The following FHIT variants were observed in gnomAD, a reference collection of about 807,000 sequenced individuals.
The protein encoded by FHIT is fragile histidine triad diadenosine triphosphatase, also known as bis(5'-adenosyl)-triphosphatase.
FHIT carries 19 observed loss-of-function variants against 17.9 expected under a neutral mutation model. That is an observed-to-expected ratio of 1.06 (90% CI 0.74 to 1.56). The LOEUF is 1.56. FHIT is among the 40% of genes most tolerant of loss of function. FHIT has a pLI of 0.00. For synonymous variants in FHIT, 81 were observed against 69.7 expected, an observed-to-expected ratio of 1.16 and a Z score of -0.81; for missense variants, 248 against 189.2, an observed-to-expected ratio of 1.31 and a Z score of -1.82.
At chr3:61,031,859 G>C (rs2033024515) in intron 3 of FHIT, among the ~76,000 whole-genome samples, 1 of 152,188 alleles carries the variant, frequency 6.6e-6, no homozygotes. Context: ...CACCAACTGT[G>C]ATCCAGCCAG....
chr3:60,950,126 G>A (rs565758931), intron 3 of FHIT, among the ~76,000 whole-genome samples: 1 of 152,162 alleles, frequency 6.6e-6, no homozygotes, highest in Non-Finnish European at 1.5e-5. Flanking sequence ...TTGTGTTACA[G>A]TTGCCTATAG....
chr3:60,236,095 AT>A (rs1704770386), intron 5 of FHIT, among the ~76,000 whole-genome samples: 1 of 151,964 alleles, frequency 6.6e-6, no homozygotes, highest in African/African-American at 2.4e-5. Context: ...CATCTTCTCT[AT>A]CTTTCAACAT....
chr3:60,569,755 ATTTTT>A (rs1553654909), intron 4 of FHIT, among the ~76,000 whole-genome samples: 6 of 77,344 alleles, frequency 7.8e-5, no homozygotes, highest in African/African-American at 1.9e-4. Flanking sequence ...ATATATATAT[ATTTTT>A]TTTTTTTTTA....
intron 8 of FHIT, among the ~76,000 whole-genome samples, chr3:59,875,319 T>A (rs140233029): frequency 2.0e-5 from 3 of 152,320 alleles, no homozygotes; most frequent in African/African-American, 7.2e-5. Context: ...AAACTACTAC[T>A]CACTGTTGAA....
At chr3:59,788,029 A>T (rs1699387560) in intron 8 of FHIT, among the ~76,000 whole-genome samples, 2 of 152,226 alleles carry the variant, frequency 1.3e-5, no homozygotes, top group Admixed American at 1.3e-4. Flanking sequence ...CTGGTTTCTC[A>T]CTGCCAATCA....
At position 61,013,068 on chromosome 3, in the gene FHIT, A is replaced by G. The variant is rs149734500; in HGVS notation, c.-111+28979T>C. On this transcript the variant is annotated intron_variant, in intron 3 of 9. Transcript: ENST00000492590. ...AATATTTAACAATTTTTAAATGTCA[A>G]TAATAAGCCAGAAATTATATTCTTT... Among the ~76,000 whole-genome samples, 982 of 152,308 alleles carry G rather than the reference A, an allele frequency of 6.4e-3. 13 individuals are homozygous for G. Among genetic ancestry groups the G allele is most frequent in the Middle Eastern group, 0.037 (11 of 294 alleles).
intron 5 of FHIT, among the ~76,000 whole-genome samples, chr3:60,181,202 G>A (rs1229745975): frequency 6.9e-6 from 1 of 144,028 alleles, no homozygotes; most frequent in African/African-American, 2.6e-5. Flanking sequence ...CTGGAGTGCA[G>A]TGGTACAATC....
intron 5 of FHIT, among the ~76,000 whole-genome samples, chr3:60,158,493 G>A (rs1399894234): frequency 1.3e-5 from 2 of 152,052 alleles, no homozygotes; most frequent in Admixed American, 6.6e-5. Context: ...TGTATTTTTA[G>A]TAGAGATGGG....
intron 4 of FHIT, among the ~76,000 whole-genome samples, chr3:60,573,610 G>A (rs972977897): frequency 1.3e-5 from 2 of 152,066 alleles, no homozygotes; most frequent in Admixed American, 6.6e-5. Flanking sequence ...AGAAGCAGGA[G>A]AAGACAAAAA....
intron 5 of FHIT, among the ~76,000 whole-genome samples, chr3:60,119,343 G>T (rs1275415167): frequency 3.3e-5 from 5 of 152,002 alleles, no homozygotes; most frequent in African/African-American, 2.4e-5. Flanking sequence ...AAAGTGCTGG[G>T]ATTACAGGCA....
intron 5 of FHIT, among the ~76,000 whole-genome samples, chr3:60,225,049 G>C (rs998794135): frequency 2.0e-5 from 3 of 151,994 alleles, no homozygotes; most frequent in Non-Finnish European, 4.4e-5. Context: ...ATCAGTACTG[G>C]AGTAATGCTT....
rs56056396 is a variant in FHIT, at chr3:59,892,804, C to T, written c.348+29542G>A. On this transcript the variant is annotated intron_variant, in intron 8 of 9. Transcript: ENST00000492590. ...AAGTGAAGACTTGGTTCAAAATGAACCACCCACCCATCAATTATAAAAATA... is the reference window on the plus strand; with the variant it reads ...AAGTGAAGACTTGGTTCAAAATGAATCACCCACCCATCAATTATAAAAATA... Among the ~76,000 whole-genome samples, 1,157 of 152,206 alleles carry T rather than the reference C, an allele frequency of 7.6e-3. 17 individuals carry two copies. Among genetic ancestry groups the T allele is most frequent in the African/African-American group, 0.027 (1,111 of 41,514 alleles).
intron 4 of FHIT, among the ~76,000 whole-genome samples, chr3:60,819,797 T>A (rs147616456): frequency 6.6e-6 from 1 of 152,166 alleles, no homozygotes; most frequent in Non-Finnish European, 1.5e-5. Flanking sequence ...AGTAGAACTC[T>A]GAGTCAGTCT....
chr3:60,803,558 C>A (rs1215295887), intron 4 of FHIT, among the ~76,000 whole-genome samples: 1 of 151,990 alleles, frequency 6.6e-6, no homozygotes. Flanking sequence ...GATGAGAAAG[C>A]CTTTTATGTG....
At chr3:59,842,423 G>A (rs9865813) in intron 8 of FHIT, among the ~76,000 whole-genome samples, 11,107 of 152,166 alleles carry the variant, frequency 0.073, 1,306 homozygotes, top group African/African-American at 0.25. Flanking sequence ...ATTATTTCAG[G>A]TGTATGCCCA....
intron 4 of FHIT, among the ~76,000 whole-genome samples, chr3:60,789,743 A>G (rs1416450094): frequency 1.3e-5 from 2 of 152,242 alleles, no homozygotes; most frequent in African/African-American, 2.4e-5. Context: ...GTTGAGGATG[A>G]AAATAGAAAG....
At chr3:60,364,677 G>A (rs1284620415) in intron 5 of FHIT, among the ~76,000 whole-genome samples, 21 of 152,184 alleles carry the variant, frequency 1.4e-4, no homozygotes, top group Admixed American at 1.4e-3. Flanking sequence ...CCAGATAACT[G>A]ATAAACATTA....
At chr3:60,641,474 T>C (rs2039723277) in intron 4 of FHIT, among the ~76,000 whole-genome samples, 1 of 152,108 alleles carries the variant, frequency 6.6e-6, no homozygotes, top group Non-Finnish European at 1.5e-5. Context: ...AATGTCTTGC[T>C]TCAGAATTTG....
Position 60,409,938 on chromosome 3 carries a change from T to C in FHIT, c.103+126922A>G, listed in dbSNP as rs183994469. Among the ~76,000 whole-genome samples, 108 of 152,294 alleles carry C rather than the reference T, an allele frequency of 7.1e-4. No individual in the cohort carries two copies. The Middle Eastern group carries it at 0.02, about 29-fold the overall frequency. ...CTGTTTAAAAGCTTATAGGGTATTA[T>C]AGATGAAGCAAGCTTCTAAATTCAA... is the stretch of plus-strand genomic sequence containing the variant. On this transcript the variant is annotated intron_variant, in intron 5 of 9. Coordinates refer to ENST00000492590, the MANE Select transcript of FHIT (RefSeq NM_002012.4).
Sources: allele counts gnomAD v4.1 joint callset (sites outside exome capture counted in the v4.1 genomes callset), GRCh38; gene constraint gnomAD v4.1.1; transcripts MANE v1.5; gene names NCBI Gene and HGNC (gene_info 2026-07-23, HGNC 2026-07-21).